SLC39A10: variants seen among roughly 807,000 people sequenced by gnomAD.
SLC39A10 encodes solute carrier family 39 member 10.
SLC39A10 carries 13 observed loss-of-function variants against 65.1 expected under a neutral mutation model. The observed-to-expected ratio is 0.20, with a 90% CI of 0.13 to 0.32. SLC39A10 has a LOEUF of 0.32. SLC39A10 is among the 10% of genes least tolerant of loss of function. The pLI is 1.00. For synonymous variants in SLC39A10, 321 were observed against 342.2 expected, an observed-to-expected ratio of 0.94 and a Z score of 0.68; for missense variants, 831 against 1,018.4, an observed-to-expected ratio of 0.82 and a Z score of 2.50.
intron 2 of SLC39A10, among the ~76,000 whole-genome samples, chr2:195,620,773 T>A (rs960618160): frequency 6.6e-6 from 1 of 152,220 alleles, no homozygotes; most frequent in African/African-American, 2.4e-5. Context: ...GCCAAAGATA[T>A]GGAGTGAACA....
At chr2:195,625,520 G>T (rs1282534982) in intron 2 of SLC39A10, among the ~76,000 whole-genome samples, 1 of 151,776 alleles carries the variant, frequency 6.6e-6, no homozygotes, top group Non-Finnish European at 1.5e-5. Flanking sequence ...CAGGTGATCC[G>T]CCCGCCTCGG....
intron 2 of SLC39A10, among the ~76,000 whole-genome samples, chr2:195,620,309 G>T (rs1429700175): frequency 6.6e-6 from 1 of 152,054 alleles, no homozygotes; most frequent in East Asian, 1.9e-4. Context: ...ATATAGCTGA[G>T]GTATAAAAGT....
intron 3 of SLC39A10, among the ~76,000 whole-genome samples, chr2:195,698,341 G>C (rs924584017): frequency 2.0e-5 from 3 of 152,028 alleles, no homozygotes; most frequent in African/African-American, 7.2e-5. Context: ...TGTTTGGCTA[G>C]AACTTCCAGT....
chr2:195,711,869 C>T (rs772507546), intron 5 of SLC39A10, among the ~76,000 whole-genome samples: 12 of 152,180 alleles, frequency 7.9e-5, no homozygotes, highest in African/African-American at 2.2e-4. Flanking sequence ...CCTCCTTCCC[C>T]TTTTTCCCCT....
At chr2:195,704,774 G>T (rs1334039598) in intron 3 of SLC39A10, among the ~76,000 whole-genome samples, 1 of 151,330 alleles carries the variant, frequency 6.6e-6, no homozygotes, top group Non-Finnish European at 1.5e-5. Flanking sequence ...CCCCACCCCT[G>T]CCCCTGTGTT....
intron 2 of SLC39A10, among the ~76,000 whole-genome samples, chr2:195,622,052 A>G (rs945355077): frequency 2.6e-5 from 4 of 152,116 alleles, no homozygotes; most frequent in Middle Eastern, 3.2e-3. Context: ...TGTGCCTATC[A>G]TTGTACTTTT....
intron 2 of SLC39A10, among the ~76,000 whole-genome samples, chr2:195,633,277 T>C (rs1688627529): frequency 6.6e-6 from 1 of 152,228 alleles, no homozygotes; most frequent in Admixed American, 6.5e-5. Flanking sequence ...ACCTGTTGCA[T>C]TGCGCTCAAC....
intron 4 of SLC39A10, among the ~76,000 whole-genome samples, chr2:195,708,031 A>G (rs1691468683): frequency 6.6e-6 from 1 of 152,168 alleles, no homozygotes; most frequent in African/African-American, 2.4e-5. Flanking sequence ...AGAAAATTAC[A>G]TATTTAAGGA....
At chr2:195,620,016 G>A (rs769841642) in intron 2 of SLC39A10, among the ~76,000 whole-genome samples, 2 of 152,086 alleles carry the variant, frequency 1.3e-5, no homozygotes, top group Non-Finnish European at 1.5e-5. Context: ...TCTGCCTCCC[G>A]GGCTCAAGCG....
chr2:195,640,983 G>A (rs1183171426), intron 2 of SLC39A10, among the ~76,000 whole-genome samples: 1 of 152,188 alleles, frequency 6.6e-6, no homozygotes. Context: ...CATTCTAGTA[G>A]TATTCAGTCA....
chr2:195,676,259 G>A (rs1025346463), intron 1 of SLC39A10, among the ~76,000 whole-genome samples: 2 of 151,200 alleles, frequency 1.3e-5, no homozygotes, highest in Admixed American at 1.3e-4. Context: ...GCACAATCTT[G>A]GCTCACTGCA....
chr2:195,628,499 C>T (rs890058942), intron 2 of SLC39A10, among the ~76,000 whole-genome samples: 11 of 152,074 alleles, frequency 7.2e-5, no homozygotes, highest in South Asian at 2.1e-4. Context: ...TATTATATGC[C>T]GGGCACTGTG....
chr2:195,706,523 CTACGATTCAT>C, intron 3 of SLC39A10, 83 bp from the exon 4 acceptor site: 1 of 1,239,402 alleles, frequency 8.1e-7, no homozygotes, highest in Non-Finnish European at 1.1e-6. Context: ...AGTCTACCTT[CTACGATTCAT>C]TTATCTTATA....
chr2:195,672,654 A>T (rs1197281741), intron 1 of SLC39A10, among the ~76,000 whole-genome samples: 1 of 152,250 alleles, frequency 6.6e-6, no homozygotes, highest in Non-Finnish European at 1.5e-5. Flanking sequence ...TTTAAAAAGT[A>T]GAGACAAATG....
chr2:195,706,559 G>A (rs1274139972), intron 3 of SLC39A10, 57 bp from the exon 4 acceptor site: 3 of 1,445,620 alleles, frequency 2.1e-6, no homozygotes, highest in Non-Finnish European at 2.9e-6. Context: ...ATTCTTTTTG[G>A]TAGTCTGTTG....
intron 2 of SLC39A10, among the ~76,000 whole-genome samples, chr2:195,629,643 T>G (rs1302884198): frequency 6.6e-6 from 1 of 152,236 alleles, no homozygotes; most frequent in Non-Finnish European, 1.5e-5. Flanking sequence ...TGGAGGAGAT[T>G]CTTTTATCTC....
At chr2:195,666,173 A>G (rs1018225423) in intron 1 of SLC39A10, among the ~76,000 whole-genome samples, 1 of 152,208 alleles carries the variant, frequency 6.6e-6, no homozygotes, top group Non-Finnish European at 1.5e-5. Flanking sequence ...TAAAAAATTA[A>G]TTGGACAGAA....
At chr2:195,623,344 TA>T (rs1688389731) in intron 2 of SLC39A10, among the ~76,000 whole-genome samples, 1 of 152,224 alleles carries the variant, frequency 6.6e-6, no homozygotes, top group Non-Finnish European at 1.5e-5. Flanking sequence ...TAAGTAGTAA[TA>T]CTTAAATATT....
At chr2:195,694,277 T>C (rs1690852165) in intron 3 of SLC39A10, among the ~76,000 whole-genome samples, 1 of 152,166 alleles carries the variant, frequency 6.6e-6, no homozygotes, top group Non-Finnish European at 1.5e-5. Flanking sequence ...TATTCTGCAG[T>C]TGTTGGGTAG....
Sources: allele counts gnomAD v4.1 joint callset (sites outside exome capture counted in the v4.1 genomes callset), GRCh38; gene constraint gnomAD v4.1.1; transcripts MANE v1.5; gene names NCBI Gene and HGNC (gene_info 2026-07-23, HGNC 2026-07-21).